The following TBC1D19 variants were observed in gnomAD, a reference collection of about 807,000 sequenced individuals.
TBC1D19 encodes TBC1 domain family member 19, also known as TBC1 domain family, member 19.
Under a neutral mutation model 89.0 loss-of-function variants are expected in TBC1D19, and 60 were observed. That is an observed-to-expected ratio of 0.67 (90% CI 0.55 to 0.84). The LOEUF (loss-of-function observed/expected upper bound fraction) is 0.84, where lower values mean the gene tolerates loss of function less well. TBC1D19 is among the 40% of genes least tolerant of loss of function. The pLI, the probability that TBC1D19 is intolerant of heterozygous loss-of-function variation, is 0.00. For synonymous variants in TBC1D19, 189 were observed against 199.7 expected (o/e 0.95, Z 0.45); for missense variants, 500 against 610.8 (o/e 0.82, Z 1.91).
the TBC1D19 span, among the ~76,000 whole-genome samples, chr4:26,795,809 G>A: frequency 1.3e-5 from 2 of 152,116 alleles, no homozygotes; most frequent in African/African-American, 2.4e-5. Flanking sequence ...GAGAAAATAG[G>A]TAAATTTTTA....
intron 15 of TBC1D19, among the ~76,000 whole-genome samples, chr4:26,724,081 A>T (rs1717146912): frequency 6.6e-6 from 1 of 152,206 alleles, no homozygotes; most frequent in Non-Finnish European, 1.5e-5. Flanking sequence ...AACGTTCCAG[A>T]AGAGAGTACA....
intron 4 of TBC1D19, among the ~76,000 whole-genome samples, chr4:26,631,665 T>C (rs1742814835): frequency 6.6e-6 from 1 of 152,116 alleles, no homozygotes; most frequent in South Asian, 2.1e-4. Context: ...AAAATGGTAA[T>C]CAAATAAGTT....
At chr4:26,695,233 G>A (rs1321305717) in intron 13 of TBC1D19, among the ~76,000 whole-genome samples, 16 of 152,082 alleles carry the variant, frequency 1.1e-4, no homozygotes, top group Admixed American at 6.5e-5. Context: ...TAGCCAATTC[G>A]ATCAACTGGA....
At chr4:26,677,626 CT>C (rs1712954514) in intron 11 of TBC1D19, among the ~76,000 whole-genome samples, 1 of 152,088 alleles carries the variant, frequency 6.6e-6, no homozygotes, top group African/African-American at 2.4e-5. Flanking sequence ...TATGGTTTGG[CT>C]GTGTCCCCAC....
chr4:26,670,619 T>C (rs1467989074), intron 9 of TBC1D19, among the ~76,000 whole-genome samples: 1 of 151,768 alleles, frequency 6.6e-6, no homozygotes, highest in Non-Finnish European at 1.5e-5. Flanking sequence ...ATCACGTATA[T>C]ACAGATCAGT....
At chr4:26,850,042 C>T in the TBC1D19 span, among the ~76,000 whole-genome samples, 1 of 151,996 alleles carries the variant, frequency 6.6e-6, no homozygotes, top group African/African-American at 2.4e-5. Context: ...AACCTCAAGA[C>T]AGTCTTGAGA....
At chr4:26,846,413 TG>T in the TBC1D19 span, among the ~76,000 whole-genome samples, 2 of 152,226 alleles carry the variant, frequency 1.3e-5, no homozygotes, top group African/African-American at 4.8e-5. Flanking sequence ...TTTTGTGGAA[TG>T]TTTGTTTACA....
At chr4:26,607,382 T>G (rs772111723) in intron 1 of TBC1D19, among the ~76,000 whole-genome samples, 3 of 152,168 alleles carry the variant, frequency 2.0e-5, no homozygotes, top group African/African-American at 4.8e-5. Context: ...CAACTTTAAT[T>G]TATATTGGAC....
chr4:26,699,674 T>C (rs2109204169), intron 13 of TBC1D19, among the ~76,000 whole-genome samples: 1 of 152,248 alleles, frequency 6.6e-6, no homozygotes, highest in South Asian at 2.1e-4. Flanking sequence ...CATGGAATAC[T>C]ATGCAGCCAT....
chr4:26,608,912 A>C (rs1348494201), intron 1 of TBC1D19, among the ~76,000 whole-genome samples: 1 of 151,664 alleles, frequency 6.6e-6, no homozygotes, highest in Non-Finnish European at 1.5e-5. Context: ...CACAATAGCA[A>C]AGACTTGTGG....
At chr4:26,761,492 C>T in the TBC1D19 span, among the ~76,000 whole-genome samples, 1 of 152,102 alleles carries the variant, frequency 6.6e-6, no homozygotes, top group Non-Finnish European at 1.5e-5. Context: ...TATTTTATTT[C>T]AATTTCCAAT....
At chr4:26,837,216 G>A in the TBC1D19 span, among the ~76,000 whole-genome samples, 1 of 152,176 alleles carries the variant, frequency 6.6e-6, no homozygotes, top group Non-Finnish European at 1.5e-5. Flanking sequence ...AATACTGGGT[G>A]GAAAAGTTTG....
intron 1 of TBC1D19, among the ~76,000 whole-genome samples, chr4:26,603,824 A>G (rs1204842165): frequency 6.6e-6 from 1 of 152,256 alleles, no homozygotes; most frequent in East Asian, 1.9e-4. Flanking sequence ...TAACATAAAA[A>G]TGACCATTTT....
At chr4:26,692,040 C>G (rs1266275723) in intron 13 of TBC1D19, among the ~76,000 whole-genome samples, 1 of 152,102 alleles carries the variant, frequency 6.6e-6, no homozygotes, top group Non-Finnish European at 1.5e-5. Flanking sequence ...TTGAGAAAAG[C>G]TACTAAATCT....
chr4:26,667,081 A>G (rs2069859689), intron 9 of TBC1D19, among the ~76,000 whole-genome samples: 2 of 152,008 alleles, frequency 1.3e-5, no homozygotes, highest in Admixed American at 1.3e-4. Flanking sequence ...TACCACTATT[A>G]TAATAGCAAT....
At chr4:26,669,779 T>G (rs1299216233) in intron 9 of TBC1D19, among the ~76,000 whole-genome samples, 1 of 151,792 alleles carries the variant, frequency 6.6e-6, no homozygotes, top group Non-Finnish European at 1.5e-5. Flanking sequence ...CAGTGAAAAT[T>G]ATGAATATAA....
chr4:26,723,415 G>A (rs1425722883), intron 15 of TBC1D19, among the ~76,000 whole-genome samples: 1 of 151,996 alleles, frequency 6.6e-6, no homozygotes, highest in Non-Finnish European at 1.5e-5. Flanking sequence ...TGGTCTCAGG[G>A]GACCACACAT....
chr4:26,706,069 T>C (rs1394425169), intron 13 of TBC1D19, among the ~76,000 whole-genome samples: 1 of 152,168 alleles, frequency 6.6e-6, no homozygotes, highest in Non-Finnish European at 1.5e-5. Context: ...CACATCACCA[T>C]GCCCAGATCA....
At chr4:26,847,482 G>A in the TBC1D19 span, among the ~76,000 whole-genome samples, 3 of 152,320 alleles carry the variant, frequency 2.0e-5, no homozygotes, top group African/African-American at 7.2e-5. Context: ...CAAATGCAAA[G>A]TCCCTGAGGA....
Sources: gnomAD v4.1 joint callset for allele counts (sites outside exome capture counted in the v4.1 genomes callset) on GRCh38, gnomAD v4.1.1 for gene constraint, MANE v1.5 for transcripts, NCBI Gene and HGNC (gene_info 2026-07-23, HGNC 2026-07-21) for gene names.